The following PLEKHA5 variants were observed in gnomAD, a reference collection of about 807,000 sequenced individuals.
PLEKHA5 encodes the protein pleckstrin homology domain-containing family A member 5.
A neutral mutation model predicts 181.9 loss-of-function variants in PLEKHA5; 55 were observed. The observed-to-expected ratio is 0.30, with a 90% CI of 0.24 to 0.38. The LOEUF (loss-of-function observed/expected upper bound fraction) is 0.38. Among genes scored for constraint, PLEKHA5 ranks in the 10% least tolerant of loss-of-function variants. The probability of loss-of-function intolerance (pLI) is 1.00; values close to 1 mark genes in which losing one functional copy is unlikely to be tolerated. For synonymous variants in PLEKHA5, 535 were observed against 529.4 expected (o/e 1.01, Z -0.15); for missense variants, 1,432 against 1,549.5 (o/e 0.92, Z 1.27).
intron 3 of PLEKHA5, chr12:19,207,318 G>A (rs2055805594): frequency 1.3e-5 from 2 of 151,940 alleles, no homozygotes; most frequent in Admixed American, 1.3e-4. Flanking sequence ...GAGAAATAAT[G>A]AATAGAAGAT....
At chr12:19,241,263 G>A (rs1461941421) in intron 3 of PLEKHA5, among the ~76,000 whole-genome samples, 2 of 152,104 alleles carry the variant, frequency 1.3e-5, no homozygotes, top group African/African-American at 2.4e-5. Flanking sequence ...CCTTTTAAAG[G>A]GGTAGGGGTT....
At chr12:19,306,965 CACT>C in intron 15 of PLEKHA5, 1 of 1,300,804 alleles carries the variant, frequency 7.7e-7, no homozygotes, top group South Asian at 1.3e-5. Flanking sequence ...ACTCCTAACC[CACT>C]TACTCAGACT....
intron 3 of PLEKHA5, among the ~76,000 whole-genome samples, chr12:19,229,647 A>G (rs1444879537): frequency 3.3e-5 from 5 of 152,196 alleles, no homozygotes; most frequent in Admixed American, 3.3e-4. Context: ...AGCAAGATAT[A>G]TCGCAAAGAG....
In PLEKHA5 at chr12:19,316,524, A is replaced by G. The variant is rs964281035; in HGVS notation, c.2118+1630A>G. On this transcript the variant is annotated intron_variant, in intron 16 of 31. Transcript: ENST00000429027. Reference sequence around the variant, plus strand: ...AATAGATTTGTATAAATATTTCTTTATATTAATATGTGAAAGAAAACTAAA... The same window carrying G: ...AATAGATTTGTATAAATATTTCTTTGTATTAATATGTGAAAGAAAACTAAA... 2.0e-5 allele frequency among the ~76,000 whole-genome samples: 3 copies of G among 152,192 alleles called. No homozygotes were observed. In the South Asian group the frequency reaches 6.2e-4, roughly 32 times the overall value.
intron 21 of PLEKHA5, among the ~76,000 whole-genome samples, chr12:19,340,945 TAAAA>T (rs58915493): frequency 3.2e-5 from 2 of 62,792 alleles, no homozygotes; most frequent in East Asian, 2.9e-4. Context: ...GAATGATCAA[TAAAA>T]AAAAAAAAAA....
At chr12:19,334,416 G>A (rs1009052954) in intron 20 of PLEKHA5, among the ~76,000 whole-genome samples, 2 of 152,124 alleles carry the variant, frequency 1.3e-5, no homozygotes, top group Non-Finnish European at 2.9e-5. Flanking sequence ...GAAAGAGAAG[G>A]ATTCCTACCA....
chr12:19,170,172 G>C (rs1226119164), intron 3 of PLEKHA5, among the ~76,000 whole-genome samples: 1 of 152,148 alleles, frequency 6.6e-6, no homozygotes. Context: ...ATCTGGAAAT[G>C]CCTCTCTTAC....
intron 3 of PLEKHA5, among the ~76,000 whole-genome samples, chr12:19,246,728 T>A (rs2063847690): frequency 6.6e-6 from 1 of 152,050 alleles, no homozygotes; most frequent in African/African-American, 2.4e-5. Flanking sequence ...AGATATCAGA[T>A]AAAAAAAGAT....
intron 3 of PLEKHA5, among the ~76,000 whole-genome samples, chr12:19,209,349 G>A (rs958976499): frequency 6.6e-6 from 1 of 152,152 alleles, no homozygotes; most frequent in Non-Finnish European, 1.5e-5. Flanking sequence ...GATGAAGCTT[G>A]CACCAACAGA....
intron 22 of PLEKHA5, among the ~76,000 whole-genome samples, chr12:19,344,388 A>G (rs768584926): frequency 1.3e-5 from 2 of 152,192 alleles, no homozygotes; most frequent in African/African-American, 2.4e-5. Flanking sequence ...GGATCATCCT[A>G]TATCTATTTT....
rs2042416462 is a variant in PLEKHA5, at chr12:19,159,172, C to G, written c.227+26722C>G. Among the ~76,000 whole-genome samples, 4 of 152,150 alleles carry G rather than the reference C, an allele frequency of 2.6e-5. No homozygotes were observed. In the South Asian group the frequency reaches 8.3e-4, roughly 32 times the overall value. On this transcript the variant is annotated intron_variant, in intron 3 of 31. Transcript: ENST00000429027. Reference sequence around the variant, plus strand: ...ACACAGCTGGGAATGAAGTAGTTAGCCCAGTCTCAAAGACATTAGCCTCCC... The same window carrying G: ...ACACAGCTGGGAATGAAGTAGTTAGGCCAGTCTCAAAGACATTAGCCTCCC...
At chr12:19,324,301 T>TA (rs1306598738) in intron 20 of PLEKHA5, among the ~76,000 whole-genome samples, 1 of 152,242 alleles carries the variant, frequency 6.6e-6, no homozygotes, top group African/African-American at 2.4e-5. Context: ...TTAAATACCT[T>TA]ACATTTCTAT....
chr12:19,196,985 G>T (rs958032726), intron 3 of PLEKHA5, among the ~76,000 whole-genome samples: 2 of 151,930 alleles, frequency 1.3e-5, no homozygotes, highest in Non-Finnish European at 2.9e-5. Flanking sequence ...TAAATCCCAA[G>T]AGCCAACCTG....
At chr12:19,305,869 A>AAAAC (rs1226087665) in intron 15 of PLEKHA5, among the ~76,000 whole-genome samples, 2 of 132,988 alleles carry the variant, frequency 1.5e-5, no homozygotes, top group Non-Finnish European at 3.2e-5. Context: ...CTCAAAAAAA[A>AAAAC]AAAAAAAAAA....
intron 2 of PLEKHA5, among the ~76,000 whole-genome samples, chr12:19,131,406 A>G (rs2033795620): frequency 6.6e-6 from 1 of 152,244 alleles, no homozygotes. Flanking sequence ...TTTCTGACTA[A>G]TACACTATCA....
chr12:19,316,576 G>C (rs1013215029), intron 16 of PLEKHA5, among the ~76,000 whole-genome samples: 1 of 152,248 alleles, frequency 6.6e-6, no homozygotes, highest in Middle Eastern at 3.4e-3. Context: ...AGATCTGAAT[G>C]TCTAATGTCA....
At chr12:19,170,484 C>T (rs539234088) in intron 3 of PLEKHA5, among the ~76,000 whole-genome samples, 3 of 150,494 alleles carry the variant, frequency 2.0e-5, no homozygotes, top group East Asian at 2.0e-4. Context: ...TGGAGTGCAG[C>T]GGCACAATTT....
chr12:19,362,533 CAAAAG>C (rs1393803467), intron 29 of PLEKHA5, among the ~76,000 whole-genome samples: 2 of 151,536 alleles, frequency 1.3e-5, no homozygotes, highest in African/African-American at 4.9e-5. Context: ...GACTCCATCT[CAAAAG>C]AAAAGGAAAA....
Position 19,130,499 on chromosome 12 carries a change from C to T in PLEKHA5, c.169+369C>T, listed in dbSNP as rs544356190. Among the ~76,000 whole-genome samples the T allele has an allele frequency of 1.4e-4, 22 of 151,900 alleles. No homozygotes were observed. In the South Asian group the frequency reaches 4.0e-3, roughly 27 times the overall value. On this transcript the variant is annotated intron_variant, in intron 2 of 31. Transcript: ENST00000429027. This position sits in a 1 kb window ranked among gnomAD's most constrained non-coding sequence, Gnocchi z 4.5. ...GGCCGCTACTCACTCCCCGGTGACC[C>T]CCAGCTGCCGTCTTGCCCCCCAGCA...
Sources: allele counts gnomAD v4.1 joint callset (sites outside exome capture counted in the v4.1 genomes callset), GRCh38; gene constraint gnomAD v4.1.1; non-coding constraint Gnocchi (gnomAD v3.1); transcripts MANE v1.5; gene names NCBI Gene and HGNC (gene_info 2026-07-23, HGNC 2026-07-21).